Variants in ADRA1B observed in about 807,000 individuals in gnomAD.
The protein encoded by ADRA1B is alpha-1B adrenergic receptor.
Under a neutral mutation model 17.9 loss-of-function variants are expected in ADRA1B, and 17 were observed. The ratio of observed to expected loss-of-function variants is 0.95; its 90% confidence interval spans 0.65 to 1.42. The LOEUF is 1.42. ADRA1B is among the 40% of genes most tolerant of loss of function. The probability of loss-of-function intolerance (pLI) is 0.00; values close to 1 mark genes in which losing one functional copy is unlikely to be tolerated. For missense variants in ADRA1B, 681 were observed against 722.1 expected (o/e 0.94, Z 0.65); for synonymous variants, 366 against 327.6 (o/e 1.12, Z -1.27).
At chr5:159,895,800 C>A (rs775517425) in intron 1 of ADRA1B, among the ~76,000 whole-genome samples, 1 of 152,256 alleles carries the variant, frequency 6.6e-6, no homozygotes, top group South Asian at 2.1e-4. Context: ...AAGCTGTGAG[C>A]TCCTGGAAGG....
chr5:159,963,486 GC>G (rs1161106754), intron 1 of ADRA1B, among the ~76,000 whole-genome samples: 1 of 151,928 alleles, frequency 6.6e-6, no homozygotes, highest in Non-Finnish European at 1.5e-5. Flanking sequence ...AAGAATCATG[GC>G]CCCCCAGGCC....
chr5:159,883,640 G>A (rs1368592539), intron 1 of ADRA1B, among the ~76,000 whole-genome samples: 1 of 152,168 alleles, frequency 6.6e-6, no homozygotes, highest in Non-Finnish European at 1.5e-5. Flanking sequence ...CCTTCCCCAT[G>A]GACTTGGCTG....
rs551905528 is a variant in ADRA1B, at chr5:159,903,030, G to A, written c.-255-13089G>A. Among the ~76,000 whole-genome samples, 46 of 152,300 alleles carry A rather than the reference G, an allele frequency of 3.0e-4. No individual in the cohort carries two copies. In the South Asian group the frequency reaches 5.0e-3, roughly 16 times the overall value. On this transcript the variant is annotated intron_variant, in intron 1 of 2. Coordinates refer to the ADRA1B transcript ENST00000641205. ...TGCTGCATCCCCCGCGGTTACCTAG[G>A]GAACTCTGGGGCACAGCCAGGAAGG... is the stretch of plus-strand genomic sequence containing the variant.
intron 1 of ADRA1B, among the ~76,000 whole-genome samples, chr5:159,884,380 A>G (rs1045744264): frequency 6.6e-6 from 1 of 152,196 alleles, no homozygotes; most frequent in African/African-American, 2.4e-5. Flanking sequence ...TAATGCCATT[A>G]TCCAGGAAGT....
the ADRA1B span, among the ~76,000 whole-genome samples, chr5:159,985,934 A>G: frequency 4.4e-3 from 672 of 152,318 alleles, 5 homozygotes; most frequent in African/African-American, 0.016. Flanking sequence ...CCTGAAGGAG[A>G]AGGAGAGCTC....
intron 1 of ADRA1B, among the ~76,000 whole-genome samples, chr5:159,867,267 T>C (rs1360688404): frequency 2.0e-5 from 3 of 152,170 alleles, no homozygotes; most frequent in Non-Finnish European, 4.4e-5. Context: ...TTTTCTGGTG[T>C]TGAGAATCTT....
At chr5:159,927,892 A>T (rs1016088969) in intron 1 of ADRA1B, among the ~76,000 whole-genome samples, 10 of 152,178 alleles carry the variant, frequency 6.6e-5, no homozygotes, top group African/African-American at 2.4e-4. Flanking sequence ...ATCCGTTTAA[A>T]AAGGAAAAAT....
At chr5:159,926,778 T>A (rs1306632068) in intron 1 of ADRA1B, among the ~76,000 whole-genome samples, 1 of 152,002 alleles carries the variant, frequency 6.6e-6, no homozygotes, top group African/African-American at 2.4e-5. Flanking sequence ...TCCCAGCTAC[T>A]TGGGAGGCTG....
downstream of ADRA1B, among the ~76,000 whole-genome samples, chr5:159,977,868 C>G (rs989621338): frequency 1.3e-5 from 2 of 152,032 alleles, no homozygotes; most frequent in Non-Finnish European, 2.9e-5. Flanking sequence ...AGCTCAGGGA[C>G]TTTGCACTTG....
chr5:159,909,884 CT>C (rs1348050790), intron 1 of ADRA1B, among the ~76,000 whole-genome samples: 2 of 152,288 alleles, frequency 1.3e-5, no homozygotes, highest in Non-Finnish European at 2.9e-5. Flanking sequence ...TAGGAAGCCC[CT>C]ATAAGGAATT....
chr5:159,865,370 G>GA (rs879711820), intron 1 of ADRA1B, among the ~76,000 whole-genome samples: 29 of 146,610 alleles, frequency 2.0e-4, no homozygotes, highest in Admixed American at 3.4e-4. Flanking sequence ...GTGCTTTGGG[G>GA]AAAAAAAAAA....
intron 1 of ADRA1B, among the ~76,000 whole-genome samples, chr5:159,890,673 A>G (rs1753973634): frequency 6.6e-6 from 1 of 152,166 alleles, no homozygotes; most frequent in African/African-American, 2.4e-5. Flanking sequence ...TTCCTTACAC[A>G]TGACACCTGG....
intron 1 of ADRA1B, chr5:159,870,421 T>C (rs956471410): frequency 6.6e-6 from 1 of 152,226 alleles, no homozygotes; most frequent in Non-Finnish European, 1.5e-5. Context: ...TCCATTTAAT[T>C]TTTCTCTGAA....
intron 1 of ADRA1B, among the ~76,000 whole-genome samples, chr5:159,962,832 T>G: frequency 7.4e-6 from 1 of 134,744 alleles, no homozygotes; most frequent in East Asian, 2.3e-4. Context: ...CCACCACACC[T>G]GGCTATTTTT....
chr5:159,931,481 G>A (rs369196072), intron 1 of ADRA1B, among the ~76,000 whole-genome samples: 50 of 151,622 alleles, frequency 3.3e-4, no homozygotes, highest in African/African-American at 1.0e-3. Context: ...AAATCATGCT[G>A]TCAAGTTGTT....
At chr5:159,963,698 T>C (rs540418938) in intron 1 of ADRA1B, among the ~76,000 whole-genome samples, 1 of 152,328 alleles carries the variant, frequency 6.6e-6, no homozygotes, top group South Asian at 2.1e-4. Context: ...TCTACAGACA[T>C]GCCCTGAGGT....
chr5:159,950,154 T>C (rs753693979), intron 1 of ADRA1B, among the ~76,000 whole-genome samples: 7 of 152,204 alleles, frequency 4.6e-5, no homozygotes, highest in Non-Finnish European at 8.8e-5. Context: ...TAATAATCCA[T>C]TGAGGCTCAG....
At chr5:159,956,426 T>C (rs930316520) in intron 1 of ADRA1B, among the ~76,000 whole-genome samples, 1 of 152,166 alleles carries the variant, frequency 6.6e-6, no homozygotes, top group African/African-American at 2.4e-5. Flanking sequence ...GTTTTTTTAA[T>C]AGAAATCCAA....
At chr5:159,956,417 T>G (rs1211841880) in intron 1 of ADRA1B, among the ~76,000 whole-genome samples, 1 of 152,054 alleles carries the variant, frequency 6.6e-6, no homozygotes, top group Non-Finnish European at 1.5e-5. Context: ...CACACAGAGG[T>G]TTTTTTAATA....
Sources: gnomAD v4.1 joint callset for allele counts (sites outside exome capture counted in the v4.1 genomes callset) on GRCh38, gnomAD v4.1.1 for gene constraint, MANE v1.5 for transcripts, NCBI Gene and HGNC (gene_info 2026-07-23, HGNC 2026-07-21) for gene names.